The following TNPO3 variants were observed in gnomAD, a reference collection of about 807,000 sequenced individuals.
The protein encoded by TNPO3 is transportin 3.
Under a neutral mutation model 122.8 loss-of-function variants are expected in TNPO3, and 65 were observed. That is an observed-to-expected ratio of 0.53 (90% CI 0.43 to 0.65). The LOEUF is 0.65. TNPO3 is among the 30% of genes least tolerant of loss of function. The pLI is 0.00. For missense variants in TNPO3, 850 were observed against 1,136.7 expected (o/e 0.75, Z 3.63); for synonymous variants, 372 against 411.2 (o/e 0.90, Z 1.15).
At chr7:129,003,644 G>A (rs1294857958) in intron 5 of TNPO3, among the ~76,000 whole-genome samples, 1 of 151,910 alleles carries the variant, frequency 6.6e-6, no homozygotes, top group Non-Finnish European at 1.5e-5. Context: ...ACTCCAGTCT[G>A]GACGACAGGG....
chr7:128,986,213 A>G (rs960386309), intron 12 of TNPO3, among the ~76,000 whole-genome samples: 2 of 152,200 alleles, frequency 1.3e-5, no homozygotes, highest in African/African-American at 2.4e-5. Context: ...CCTAGCCTTA[A>G]TATCTCTAGT....
intron 1 of TNPO3, among the ~76,000 whole-genome samples, chr7:129,024,862 G>A (rs894853974): frequency 6.6e-5 from 10 of 151,974 alleles, no homozygotes; most frequent in Non-Finnish European, 1.0e-4. Context: ...AATCTGCCAC[G>A]TGTGGTGGCA....
At chr7:129,027,869 CTTGAG>C (rs1805441542) in intron 1 of TNPO3, among the ~76,000 whole-genome samples, 1 of 152,168 alleles carries the variant, frequency 6.6e-6, no homozygotes, top group Admixed American at 6.5e-5. Flanking sequence ...ACTCCAAACT[CTTGAG>C]TTGGGACCCA....
intron 1 of TNPO3, chr7:129,028,985 T>A: frequency 2.3e-6 from 1 of 438,364 alleles, no homozygotes. Context: ...AATTAATGAA[T>A]TTTCTTCTGA....
chr7:129,041,279 T>A (rs1406568027), intron 1 of TNPO3, among the ~76,000 whole-genome samples: 1 of 152,152 alleles, frequency 6.6e-6, no homozygotes, highest in Non-Finnish European at 1.5e-5. Flanking sequence ...GGAGGATTGG[T>A]TGAGCCCAGT....
chr7:129,032,496 C>T (rs1404600514), intron 1 of TNPO3, among the ~76,000 whole-genome samples: 1 of 152,092 alleles, frequency 6.6e-6, no homozygotes, highest in East Asian at 1.9e-4. Flanking sequence ...ACTGTTAAGA[C>T]TTAATAAATG....
intron 21 of TNPO3, among the ~76,000 whole-genome samples, chr7:128,959,036 G>A (rs964742293): frequency 6.6e-6 from 1 of 152,118 alleles, no homozygotes; most frequent in Non-Finnish European, 1.5e-5. Context: ...AATGAGAAAG[G>A]TCTTTTGGCT....
chr7:128,974,758 C>G lies in TNPO3; in HGVS notation c.2273+110G>C, dbSNP rs1032711398. The stretch of plus-strand genomic sequence containing the variant: ...CTTTGGGTTATGAATCATTAATCTA[C>G]TTACTCCAGTGACTTCATTTTACAA... On this transcript the variant is annotated intron_variant, in intron 18 of 22. Transcript: ENST00000265388. The G allele has an allele frequency of 3.4e-5, 30 of 886,878 alleles. No individual in the cohort carries two copies. In the Middle Eastern group the frequency reaches 1.8e-3, roughly 53 times the overall value. The allele number at this position is 886,878 out of a possible 1,614,324, so 54.9% of individuals were successfully genotyped here. A position where few individuals can be genotyped will look rare whatever the true frequency, so the allele number is the denominator to read the frequency against.
chr7:129,038,835 G>A (rs1184656663), intron 1 of TNPO3, among the ~76,000 whole-genome samples: 1 of 152,208 alleles, frequency 6.6e-6, no homozygotes, highest in Non-Finnish European at 1.5e-5. Context: ...GAGGTAAGAG[G>A]TTGAGAGGAG....
In TNPO3 at chr7:128,993,732, C is replaced by T. The variant is rs1349103354; in HGVS notation, c.1266+75G>A. 3.2e-6 allele frequency: 4 copies of T among 1,267,608 alleles called. No individual in the cohort carries two copies. In the African/African-American group the frequency reaches 4.5e-5, roughly 14 times the overall value. The allele number at this position is 1,267,608 out of a possible 1,614,324, so 78.5% of individuals were successfully genotyped here. A position where few individuals can be genotyped will look rare whatever the true frequency, so the allele number is the denominator to read the frequency against. ...CTAAAATTGAAGAAATAAGATGGAACATTCACAGAAGACACAGAAGTGAAT... is the reference window on the plus strand; with the variant it reads ...CTAAAATTGAAGAAATAAGATGGAATATTCACAGAAGACACAGAAGTGAAT... On this transcript the variant is annotated intron_variant, in intron 9 of 22. Coordinates refer to ENST00000265388, the MANE Select transcript of TNPO3 (RefSeq NM_012470.4).
At chr7:128,963,343 C>A (rs987477952) in intron 21 of TNPO3, among the ~76,000 whole-genome samples, 1 of 152,218 alleles carries the variant, frequency 6.6e-6, no homozygotes, top group Non-Finnish European at 1.5e-5. Context: ...CCAATACGAT[C>A]CTGCCCTTAT....
At chr7:128,988,856 A>G (rs1800451723) in intron 11 of TNPO3, among the ~76,000 whole-genome samples, 1 of 152,188 alleles carries the variant, frequency 6.6e-6, no homozygotes, top group Non-Finnish European at 1.5e-5. Flanking sequence ...AGGCGGGCAG[A>G]TTACTTGTGG....
intron 19 of TNPO3, among the ~76,000 whole-genome samples, chr7:128,971,573 T>C (rs1798494342): frequency 6.6e-6 from 1 of 152,240 alleles, no homozygotes; most frequent in African/African-American, 2.4e-5. Context: ...ATAGCCTAAA[T>C]AGAATGCAGA....
At chr7:128,960,015 C>T (rs550512556) in intron 21 of TNPO3, among the ~76,000 whole-genome samples, 48 of 152,042 alleles carry the variant, frequency 3.2e-4, no homozygotes, top group South Asian at 1.0e-3. Flanking sequence ...AGCAAGACTC[C>T]GTCTCAAAAA....
intron 4 of TNPO3, among the ~76,000 whole-genome samples, chr7:129,006,863 A>G (rs1217626910): frequency 6.6e-6 from 1 of 152,212 alleles, no homozygotes; most frequent in Non-Finnish European, 1.5e-5. Flanking sequence ...GCTCATTCCC[A>G]CAGAAGGCTA....
intron 1 of TNPO3, among the ~76,000 whole-genome samples, chr7:129,046,427 C>A (rs546814227): frequency 6.6e-6 from 1 of 152,056 alleles, no homozygotes; most frequent in Admixed American, 6.6e-5. Context: ...GGAATATTTT[C>A]TATTTTCTAG....
chr7:129,037,888 T>C (rs1329628958), intron 1 of TNPO3, among the ~76,000 whole-genome samples: 2 of 151,474 alleles, frequency 1.3e-5, no homozygotes, highest in Non-Finnish European at 1.5e-5. Context: ...AAAAAAAAAC[T>C]ATTTTGCACA....
At chr7:128,982,568 C>T (rs1025021341) in intron 13 of TNPO3, among the ~76,000 whole-genome samples, 1 of 152,114 alleles carries the variant, frequency 6.6e-6, no homozygotes, top group Non-Finnish European at 1.5e-5. Flanking sequence ...TGTCTGATTA[C>T]TGAGGAGTAG....
At chr7:129,052,486 T>C (rs1052755186) in intron 1 of TNPO3, among the ~76,000 whole-genome samples, 1 of 152,242 alleles carries the variant, frequency 6.6e-6, no homozygotes, top group Non-Finnish European at 1.5e-5. Context: ...AAACTCAGAT[T>C]ATCCTGTCAA....
Sources: gnomAD v4.1 joint callset for allele counts (sites outside exome capture counted in the v4.1 genomes callset) on GRCh38, gnomAD v4.1.1 for gene constraint, MANE v1.5 for transcripts, NCBI Gene and HGNC (gene_info 2026-07-23, HGNC 2026-07-21) for gene names.